Variants in DOK5 observed in about 807,000 individuals in gnomAD.
DOK5 encodes docking protein 5.
A neutral mutation model predicts 43.3 loss-of-function variants in DOK5; 27 were observed. The observed-to-expected ratio is 0.62, with a 90% confidence interval of 0.46 to 0.86. The LOEUF (loss-of-function observed/expected upper bound fraction) is 0.86, where lower values mean the gene tolerates loss of function less well. Ranked by LOEUF, DOK5 falls within the 40% of genes least tolerant of loss-of-function variation. The pLI, the probability that DOK5 is intolerant of heterozygous loss-of-function variation, is 0.00. For missense variants in DOK5, 373 were observed against 392.9 expected, an observed-to-expected ratio of 0.95 and a Z score of 0.43; for synonymous variants, 146 against 140.1, an observed-to-expected ratio of 1.04 and a Z score of -0.30.
intron 6 of DOK5, among the ~76,000 whole-genome samples, chr20:54,613,935 A>G (rs1466319533): frequency 6.6e-6 from 1 of 151,838 alleles, no homozygotes; most frequent in Non-Finnish European, 1.5e-5. Flanking sequence ...TCAAGGCAGC[A>G]GTGAGCTAGG....
chr20:54,497,204 A>G (rs767380990), intron 1 of DOK5, among the ~76,000 whole-genome samples: 1 of 152,196 alleles, frequency 6.6e-6, no homozygotes, highest in Admixed American at 6.5e-5. Context: ...GTTGCGGACC[A>G]TGGCTGGTTG....
At chr20:54,502,134 G>A (rs1351179731) in intron 1 of DOK5, among the ~76,000 whole-genome samples, 4 of 152,142 alleles carry the variant, frequency 2.6e-5, no homozygotes, top group Non-Finnish European at 4.4e-5. Flanking sequence ...TATGTATATG[G>A]CCTATCAGAA....
At position 54,609,398 on chromosome 20, in the gene DOK5, C is replaced by G. The variant is rs116760175; in HGVS notation, c.600-990C>G. ...GTTTACTGTTGGCATATGTATGTATCAAATTCAGAGCTTCTTTTAATATCC... is the reference window on the plus strand; with the variant it reads ...GTTTACTGTTGGCATATGTATGTATGAAATTCAGAGCTTCTTTTAATATCC... On this transcript the variant is annotated intron_variant, in intron 5 of 7. Transcript: ENST00000262593. 7.1e-3 allele frequency among the ~76,000 whole-genome samples: 1,085 copies of G among 152,228 alleles called. 16 individuals carry two copies. The highest frequency in any genetic ancestry group is 0.025 in the African/African-American group (1,027 of 41,528).
intron 2 of DOK5, among the ~76,000 whole-genome samples, chr20:54,570,974 A>C (rs1985263404): frequency 6.6e-6 from 1 of 152,228 alleles, no homozygotes; most frequent in African/African-American, 2.4e-5. Context: ...CATTTATTTC[A>C]ATGAATACTA....
intron 6 of DOK5, 120 bp downstream of exon 6, chr20:54,610,643 A>C (rs1041084062): frequency 1.8e-5 from 21 of 1,153,032 alleles, no homozygotes; most frequent in Non-Finnish European, 2.4e-5. Flanking sequence ...TCCTCTTCTC[A>C]ACAGTGTATC....
chr20:54,507,391 T>G (rs931064431), intron 1 of DOK5, among the ~76,000 whole-genome samples: 1 of 152,222 alleles, frequency 6.6e-6, no homozygotes, highest in Non-Finnish European at 1.5e-5. Flanking sequence ...GAAATTAACT[T>G]TAATGCTATA....
At chr20:54,618,860 T>A (rs1325461525) in intron 6 of DOK5, among the ~76,000 whole-genome samples, 1 of 150,760 alleles carries the variant, frequency 6.6e-6, no homozygotes, top group African/African-American at 2.4e-5. Context: ...TCTAGAAATA[T>A]TTAAAAATTA....
chr20:54,638,916 C>T (rs1978978630), intron 6 of DOK5, among the ~76,000 whole-genome samples: 1 of 152,056 alleles, frequency 6.6e-6, no homozygotes, highest in South Asian at 2.1e-4. Context: ...CTCCTGACCT[C>T]ATGATCCATC....
At chr20:54,607,607 C>T (rs1013782786) in intron 5 of DOK5, among the ~76,000 whole-genome samples, 1 of 150,104 alleles carries the variant, frequency 6.7e-6, no homozygotes, top group African/African-American at 2.5e-5. Flanking sequence ...GCATTGGGGG[C>T]CGGGTGCAGT....
intron 1 of DOK5, among the ~76,000 whole-genome samples, chr20:54,502,501 G>A (rs1982647624): frequency 6.6e-6 from 1 of 152,122 alleles, no homozygotes; most frequent in Non-Finnish European, 1.5e-5. Flanking sequence ...AGGGTATACA[G>A]GAAAGATTCT....
intron 1 of DOK5, chr20:54,494,708 C>T (rs1982321622): frequency 6.6e-6 from 1 of 152,138 alleles, no homozygotes; most frequent in Admixed American, 6.5e-5. Flanking sequence ...GCCCCACTCT[C>T]CTCAGTAGAT....
At chr20:54,643,900 C>T (rs1246593613) in intron 7 of DOK5, among the ~76,000 whole-genome samples, 1 of 152,214 alleles carries the variant, frequency 6.6e-6, no homozygotes, top group Non-Finnish European at 1.5e-5. Flanking sequence ...AGACCGTACA[C>T]AGGGTCTGGG....
intron 1 of DOK5, among the ~76,000 whole-genome samples, chr20:54,482,154 C>A (rs533700272): frequency 6.6e-6 from 1 of 152,256 alleles, no homozygotes; most frequent in African/African-American, 2.4e-5. Flanking sequence ...TGATTCTACA[C>A]AAATGGTAGA....
At chr20:54,641,501 A>T (rs5024847) in intron 6 of DOK5, among the ~76,000 whole-genome samples, 110,254 of 150,694 alleles carry the variant, frequency 0.73, 40,658 homozygotes, top group East Asian at 1. Context: ...GGAAATTTTT[A>T]AAAAAAAAAT....
At chr20:54,611,578 A>G (rs1240000660) in intron 6 of DOK5, among the ~76,000 whole-genome samples, 1 of 152,170 alleles carries the variant, frequency 6.6e-6, no homozygotes, top group Admixed American at 6.6e-5. Context: ...AAAAAAAATA[A>G]TAATAATTAT....
chr20:54,575,025 C>A (rs1032424906), intron 2 of DOK5, among the ~76,000 whole-genome samples: 2 of 152,188 alleles, frequency 1.3e-5, no homozygotes, highest in Non-Finnish European at 2.9e-5. Context: ...ACTTATAAAG[C>A]ATTCTTAACA....
At chr20:54,496,119 T>C (rs1335411618) in intron 1 of DOK5, among the ~76,000 whole-genome samples, 1 of 152,310 alleles carries the variant, frequency 6.6e-6, no homozygotes, top group East Asian at 1.9e-4. Context: ...AGTTGAATAT[T>C]ATAAAGATGA....
At chr20:54,480,947 C>CTATCATCTATCATCTATCTATCATA (rs1981653497) in intron 1 of DOK5, among the ~76,000 whole-genome samples, 1 of 141,424 alleles carries the variant, frequency 7.1e-6, no homozygotes, top group Non-Finnish European at 1.5e-5. Context: ...ATCTATCTAT[C>CTATCATCTATCATCTATCTATCATA]TATCATCTAT....
intron 1 of DOK5, among the ~76,000 whole-genome samples, chr20:54,497,428 T>C (rs191439174): frequency 1.2e-4 from 18 of 152,366 alleles, no homozygotes; most frequent in African/African-American, 4.3e-4. Context: ...AATTGAAGTG[T>C]AAACTTGTGT....
Sources: gnomAD v4.1 joint callset for allele counts (sites outside exome capture counted in the v4.1 genomes callset) on GRCh38, gnomAD v4.1.1 for gene constraint, MANE v1.5 for transcripts, NCBI Gene and HGNC (gene_info 2026-07-23, HGNC 2026-07-21) for gene names.